The following MTRF1 variants were observed in gnomAD, a reference collection of about 807,000 sequenced individuals.
MTRF1 encodes peptide chain release factor 1, mitochondrial.
A neutral mutation model predicts 62.9 loss-of-function variants in MTRF1; 51 were observed. The observed-to-expected ratio is 0.81, with a 90% CI of 0.65 to 1.02. The LOEUF (loss-of-function observed/expected upper bound fraction) is 1.02, where lower values mean the gene tolerates loss of function less well. Ranked by LOEUF, MTRF1 falls within the 50% of genes least tolerant of loss-of-function variation. MTRF1 has a pLI of 0.00. For synonymous variants in MTRF1, 158 were observed against 181.9 expected (o/e 0.87, Z 1.06); for missense variants, 446 against 530.0 (o/e 0.84, Z 1.56).
the MTRF1 span, among the ~76,000 whole-genome samples, chr13:41,283,799 G>T: frequency 6.6e-6 from 1 of 151,360 alleles, no homozygotes; most frequent in African/African-American, 2.4e-5. Flanking sequence ...CCTTGGTCTC[G>T]ATCTCCTGAC....
chr13:41,271,785 T>C, the MTRF1 span, among the ~76,000 whole-genome samples: 20 of 152,112 alleles, frequency 1.3e-4, no homozygotes, highest in Non-Finnish European at 2.6e-4. Flanking sequence ...CCCTTTTTCT[T>C]TGGAACTGAG....
At chr13:41,220,255 A>C (rs2138646019) in intron 9 of MTRF1, among the ~76,000 whole-genome samples, 1 of 141,866 alleles carries the variant, frequency 7.0e-6, no homozygotes, top group African/African-American at 2.6e-5. Context: ...ACTTGAACCC[A>C]GGAAGCAGAG....
chr13:41,288,612 T>G, the MTRF1 span, among the ~76,000 whole-genome samples: 1 of 152,232 alleles, frequency 6.6e-6, no homozygotes, highest in South Asian at 2.1e-4. Flanking sequence ...AATTGCAGTT[T>G]TTGCATTGTT....
intron 7 of MTRF1, 115 bp from the exon 8 acceptor site, chr13:41,226,683 ATTTTAGG>A (rs2034492026): frequency 8.0e-7 from 1 of 1,253,492 alleles, no homozygotes; most frequent in Non-Finnish European, 1.1e-6. Context: ...AGATACAAAC[ATTTTAGG>A]TTTAGCACAC....
intron 5 of MTRF1, among the ~76,000 whole-genome samples, chr13:41,244,939 T>C (rs1259469629): frequency 6.6e-6 from 1 of 152,244 alleles, no homozygotes; most frequent in Non-Finnish European, 1.5e-5. Context: ...GGTAATTTGT[T>C]ACACAGCAAT....
At chr13:41,287,574 A>G in the MTRF1 span, among the ~76,000 whole-genome samples, 4 of 152,230 alleles carry the variant, frequency 2.6e-5, no homozygotes, top group African/African-American at 4.8e-5. Context: ...CTCAACTTTT[A>G]TCTATAGAAC....
At chr13:41,290,973 G>A in the MTRF1 span, among the ~76,000 whole-genome samples, 5 of 151,290 alleles carry the variant, frequency 3.3e-5, no homozygotes, top group Non-Finnish European at 5.9e-5. Context: ...GTGCATGCCT[G>A]TAATCCCAGC....
At chr13:41,287,530 G>C in the MTRF1 span, among the ~76,000 whole-genome samples, 1 of 152,210 alleles carries the variant, frequency 6.6e-6, no homozygotes, top group African/African-American at 2.4e-5. Context: ...AAGAAGTCTT[G>C]TCATTTTAGA....
At chr13:41,245,302 G>A (rs2038097987) in intron 5 of MTRF1, among the ~76,000 whole-genome samples, 1 of 151,434 alleles carries the variant, frequency 6.6e-6, no homozygotes, top group Non-Finnish European at 1.5e-5. Context: ...GGAGTGCAGT[G>A]TCACAATCTT....
chr13:41,290,398 C>CTT, the MTRF1 span, among the ~76,000 whole-genome samples: 1 of 121,052 alleles, frequency 8.3e-6, no homozygotes. Context: ...CACACCCAGC[C>CTT]TTTTTTTTTT....
At chr13:41,218,010 A>T (rs1196413412) in intron 9 of MTRF1, among the ~76,000 whole-genome samples, 1 of 152,250 alleles carries the variant, frequency 6.6e-6, no homozygotes, top group Admixed American at 6.5e-5. Flanking sequence ...TTCAAGAGCA[A>T]CACAGGTTTA....
intron 9 of MTRF1, among the ~76,000 whole-genome samples, chr13:41,217,736 C>T (rs1331625534): frequency 1.3e-5 from 2 of 152,228 alleles, no homozygotes; most frequent in African/African-American, 4.8e-5. Flanking sequence ...ATTTGTTCCA[C>T]AAGCATTTTG....
At chr13:41,273,772 G>C in the MTRF1 span, among the ~76,000 whole-genome samples, 20 of 152,240 alleles carry the variant, frequency 1.3e-4, no homozygotes, top group African/African-American at 4.3e-4. Flanking sequence ...GGGAGGCGGA[G>C]GTTGCAGTGA....
At chr13:41,273,609 A>G in the MTRF1 span, among the ~76,000 whole-genome samples, 7 of 152,040 alleles carry the variant, frequency 4.6e-5, no homozygotes, top group Non-Finnish European at 8.8e-5. Context: ...AGGCTGAGGC[A>G]GGTGGATCAC....
chr13:41,304,446 G>A, the MTRF1 span, among the ~76,000 whole-genome samples: 3 of 152,138 alleles, frequency 2.0e-5, no homozygotes, highest in Non-Finnish European at 4.4e-5. Flanking sequence ...GCTGAGAGCA[G>A]ATATTTTTGA....
At chr13:41,246,088 C>A (rs2038216239) in intron 5 of MTRF1, among the ~76,000 whole-genome samples, 1 of 152,192 alleles carries the variant, frequency 6.6e-6, no homozygotes, top group African/African-American at 2.4e-5. Flanking sequence ...CCTCCCAGCT[C>A]CAGCTCATGT....
intron 9 of MTRF1, among the ~76,000 whole-genome samples, chr13:41,219,855 G>A (rs773111935): frequency 4.0e-5 from 6 of 151,780 alleles, no homozygotes; most frequent in South Asian, 4.2e-4. Context: ...AAAATTAGCT[G>A]GGCATGGTGG....
upstream of MTRF1, among the ~76,000 whole-genome samples, chr13:41,264,191 A>G (rs2040757615): frequency 6.6e-6 from 1 of 152,256 alleles, no homozygotes; most frequent in Non-Finnish European, 1.5e-5. Context: ...ATACCTAATG[A>G]CTAAAGGATA....
chr13:41,260,984 A>T (rs1430467653), intron 1 of MTRF1, 69 bp from the exon 2 acceptor site: 9 of 1,350,206 alleles, frequency 6.7e-6, no homozygotes, highest in Non-Finnish European at 9.0e-6. Flanking sequence ...TAAACCTGGA[A>T]GGAACATCAA....
Sources: gnomAD v4.1 joint callset for allele counts (sites outside exome capture counted in the v4.1 genomes callset) on GRCh38, gnomAD v4.1.1 for gene constraint, MANE v1.5 for transcripts, NCBI Gene and HGNC (gene_info 2026-07-23, HGNC 2026-07-21) for gene names.